Variants in VPS41 observed in about 807,000 individuals in gnomAD.
VPS41 encodes vacuolar protein sorting-associated protein 41 homolog.
A neutral mutation model predicts 130.9 loss-of-function variants in VPS41; 85 were observed. The observed-to-expected ratio is 0.65, with a 90% CI of 0.55 to 0.78. The LOEUF is 0.78. VPS41 is among the 30% of genes least tolerant of loss of function. The pLI is 0.00. For missense variants in VPS41, 874 were observed against 1,018.7 expected (o/e 0.86, Z 1.93); for synonymous variants, 335 against 332.9 (o/e 1.01, Z -0.07).
At chr7:38,872,592 T>G (rs1314569998) in intron 2 of VPS41, among the ~76,000 whole-genome samples, 2 of 152,154 alleles carry the variant, frequency 1.3e-5, no homozygotes, top group Admixed American at 6.5e-5. Flanking sequence ...AAGAATAACT[T>G]TAAGAACTAA....
chr7:38,767,531 C>T lies in VPS41; in HGVS notation c.1247+6G>A, dbSNP rs1452651524. ...TAACAAATAATTGTGAAAATGTCAT[C>T]ATTACCGTGCTGCTATGTCATAGTC... is the stretch of plus-strand genomic sequence containing the variant. On this transcript the variant is annotated splice_donor_region_variant and intron_variant, in intron 15 of 28. Transcript: ENST00000310301. The T allele has an allele frequency of 7.6e-6, 12 of 1,586,882 alleles. No individual in the cohort carries two copies. The highest frequency in any genetic ancestry group is 1.0e-5 in the Non-Finnish European group (12 of 1,161,784).
intron 17 of VPS41, among the ~76,000 whole-genome samples, chr7:38,760,555 C>T (rs1352524578): frequency 6.6e-6 from 1 of 151,042 alleles, no homozygotes; most frequent in Non-Finnish European, 1.5e-5. Flanking sequence ...GCTTACTCTC[C>T]CCCTACTTAT....
At chr7:38,885,264 G>A (rs1584445172) in intron 2 of VPS41, among the ~76,000 whole-genome samples, 1 of 151,936 alleles carries the variant, frequency 6.6e-6, no homozygotes, top group East Asian at 1.9e-4. Context: ...TAGTAGAGAC[G>A]GGGTTTCACC....
At chr7:38,810,871 C>G in intron 7 of VPS41, among the ~76,000 whole-genome samples, 1 of 152,072 alleles carries the variant, frequency 6.6e-6, no homozygotes, top group East Asian at 1.9e-4. Context: ...AAGGTTATAA[C>G]CATTTGCTAA....
intron 14 of VPS41, among the ~76,000 whole-genome samples, chr7:38,768,055 A>G (rs776827681): frequency 6.6e-6 from 1 of 152,232 alleles, no homozygotes; most frequent in Non-Finnish European, 1.5e-5. Flanking sequence ...ATCATACTAA[A>G]GGAAATAGGG....
chr7:38,877,317 C>A (rs936914824), intron 2 of VPS41, among the ~76,000 whole-genome samples: 5 of 151,986 alleles, frequency 3.3e-5, no homozygotes, highest in Non-Finnish European at 7.4e-5. Context: ...TGTGTTACTT[C>A]GCAGACACAG....
intron 2 of VPS41, among the ~76,000 whole-genome samples, chr7:38,892,959 T>C (rs1786898339): frequency 6.6e-6 from 1 of 152,108 alleles, no homozygotes; most frequent in Admixed American, 6.6e-5. Context: ...GCTACTGCCT[T>C]GCCCAGGCCT....
At chr7:38,834,919 G>C (rs1018674182) in intron 4 of VPS41, among the ~76,000 whole-genome samples, 1 of 150,760 alleles carries the variant, frequency 6.6e-6, no homozygotes, top group East Asian at 1.9e-4. Flanking sequence ...CTTTTTGTTC[G>C]TTCACTGTTT....
chr7:38,898,993 A>G (rs1043808362), intron 1 of VPS41, among the ~76,000 whole-genome samples: 2 of 152,212 alleles, frequency 1.3e-5, no homozygotes, highest in African/African-American at 4.8e-5. Flanking sequence ...TATAACTAAT[A>G]CATTTTCAAG....
intron 2 of VPS41, among the ~76,000 whole-genome samples, chr7:38,884,241 T>A (rs918515490): frequency 7.2e-5 from 11 of 152,342 alleles, no homozygotes; most frequent in African/African-American, 2.4e-4. Flanking sequence ...TTAACAAAAC[T>A]GAAAAAGAAC....
intron 24 of VPS41, 97 bp downstream of exon 24, chr7:38,743,304 TC>T: frequency 1.4e-6 from 2 of 1,423,066 alleles, no homozygotes; most frequent in Non-Finnish European, 1.9e-6. Context: ...GCTACCATTT[TC>T]TTAACCCAAT....
chr7:38,849,052 T>C (rs1481508846), intron 4 of VPS41, among the ~76,000 whole-genome samples: 1 of 152,134 alleles, frequency 6.6e-6, no homozygotes, highest in African/African-American at 2.4e-5. Context: ...TGAGAATTTT[T>C]TTTTCTTGAG....
intron 4 of VPS41, among the ~76,000 whole-genome samples, chr7:38,834,721 G>C (rs1785458353): frequency 6.6e-6 from 1 of 151,874 alleles, no homozygotes; most frequent in Non-Finnish European, 1.5e-5. Context: ...AACTGGCCCA[G>C]GAAAATGTCT....
intron 2 of VPS41, among the ~76,000 whole-genome samples, chr7:38,882,538 A>G (rs1786636297): frequency 6.6e-6 from 1 of 152,198 alleles, no homozygotes; most frequent in African/African-American, 2.4e-5. Flanking sequence ...ACTCTTCTTC[A>G]GGTCTACTAG....
intron 2 of VPS41, among the ~76,000 whole-genome samples, chr7:38,890,579 C>T (rs553454504): frequency 1.3e-5 from 2 of 152,210 alleles, no homozygotes; most frequent in Middle Eastern, 6.8e-3. Flanking sequence ...AAGGTCTGTG[C>T]CTTGTATCAA....
At chr7:38,799,333 T>C (rs1226498123) in intron 7 of VPS41, among the ~76,000 whole-genome samples, 3 of 151,828 alleles carry the variant, frequency 2.0e-5, no homozygotes, top group Admixed American at 1.3e-4. Context: ...GAAAGAACAA[T>C]ACAAAACAAA....
At chr7:38,770,630 G>A (rs1784136839) in intron 14 of VPS41, among the ~76,000 whole-genome samples, 1 of 152,154 alleles carries the variant, frequency 6.6e-6, no homozygotes, top group Non-Finnish European at 1.5e-5. Flanking sequence ...CTGTAAAAAA[G>A]GGAACTCGGC....
intron 2 of VPS41, among the ~76,000 whole-genome samples, chr7:38,876,477 G>T (rs10951578): frequency 6.6e-5 from 10 of 151,872 alleles, no homozygotes; most frequent in Non-Finnish European, 8.8e-5. Flanking sequence ...CTGTAGAATG[G>T]GGATGAAAAT....
chr7:38,857,180 A>G (rs1297312449), intron 4 of VPS41, among the ~76,000 whole-genome samples: 1 of 152,250 alleles, frequency 6.6e-6, no homozygotes, highest in Non-Finnish European at 1.5e-5. Flanking sequence ...CTGCTACCTG[A>G]CAAGGAGAAT....
Sources: allele counts gnomAD v4.1 joint callset (sites outside exome capture counted in the v4.1 genomes callset), GRCh38; gene constraint gnomAD v4.1.1; transcripts MANE v1.5; gene names NCBI Gene and HGNC (gene_info 2026-07-23, HGNC 2026-07-21).